Variants in CDYL observed in about 807,000 individuals in gnomAD.
The protein encoded by CDYL is chromodomain Y like.
Under a neutral mutation model 47.3 loss-of-function variants are expected in CDYL, and 8 were observed. The ratio of observed to expected loss-of-function variants is 0.17; its 90% confidence interval spans 0.10 to 0.31. The LOEUF (loss-of-function observed/expected upper bound fraction) is 0.31, where lower values mean the gene tolerates loss of function less well. Ranked by LOEUF, CDYL falls within the 10% of genes least tolerant of loss-of-function variation. CDYL has a pLI of 1.00. For synonymous variants in CDYL, 266 were observed against 265.0 expected (o/e 1.00, Z -0.04); for missense variants, 471 against 701.4 (o/e 0.67, Z 3.71).
intron 1 of CDYL, among the ~76,000 whole-genome samples, chr6:4,808,230 C>G (rs1759428922): frequency 6.6e-6 from 1 of 152,196 alleles, no homozygotes; most frequent in Admixed American, 6.5e-5. Flanking sequence ...TCTAGGAGGA[C>G]AAAGCTTGGA....
intron 4 of CDYL, 75 bp downstream of exon 4, chr6:4,937,812 C>A: frequency 1.7e-6 from 2 of 1,145,800 alleles, no homozygotes; most frequent in Non-Finnish European, 2.5e-6. Flanking sequence ...TAGAATGGGC[C>A]TGACCAAGCC....
chr6:4,842,654 A>T (rs1025701695), intron 1 of CDYL, among the ~76,000 whole-genome samples: 3 of 152,054 alleles, frequency 2.0e-5, no homozygotes, highest in Non-Finnish European at 4.4e-5. Flanking sequence ...AGTTTATGTG[A>T]GTACTTATGT....
chr6:4,886,421 G>A (rs548326989), intron 1 of CDYL, among the ~76,000 whole-genome samples: 11 of 152,200 alleles, frequency 7.2e-5, no homozygotes, highest in East Asian at 1.9e-4. Context: ...CCATCCTACC[G>A]GCTGTGAAGT....
chr6:4,798,720 T>C (rs533825773), intron 1 of CDYL, among the ~76,000 whole-genome samples: 2 of 152,348 alleles, frequency 1.3e-5, no homozygotes, highest in African/African-American at 4.8e-5. Flanking sequence ...TTTCTCAAAT[T>C]GAATGTATTG....
At chr6:4,765,614 A>G (rs968305965) in intron 3 of CDYL, among the ~76,000 whole-genome samples, 1 of 150,968 alleles carries the variant, frequency 6.6e-6, no homozygotes, top group Non-Finnish European at 1.5e-5. Context: ...CGCAGGCTGG[A>G]GTGCAGTGGC....
At chr6:4,773,104 A>T (rs892749759), upstream of CDYL, 30 of 457,224 alleles carry the variant, frequency 6.6e-5, no homozygotes, top group Non-Finnish European at 1.3e-4. The surrounding 1 kb of genome is among the most constrained non-coding windows in gnomAD (Gnocchi z 4.6). Context: ...AGAACTTGCC[A>T]TCGATGATCA....
chr6:4,723,202 G>C (rs4960036), intron 2 of CDYL, among the ~76,000 whole-genome samples: 1 of 152,192 alleles, frequency 6.6e-6, no homozygotes, highest in Non-Finnish European at 1.5e-5. Context: ...GCATTTACAT[G>C]GCAGTAGATA....
intron 2 of CDYL, among the ~76,000 whole-genome samples, chr6:4,914,591 C>T (rs747168962): frequency 6.6e-6 from 1 of 152,216 alleles, no homozygotes; most frequent in Non-Finnish European, 1.5e-5. Flanking sequence ...AGCCATCCTG[C>T]AAGTTCAAGA....
intron 2 of CDYL, among the ~76,000 whole-genome samples, chr6:4,900,597 A>T (rs1344364890): frequency 2.0e-5 from 3 of 151,786 alleles, no homozygotes; most frequent in African/African-American, 7.3e-5. Flanking sequence ...ATTGCTCTCT[A>T]AAAAAGCTGA....
intron 1 of CDYL, among the ~76,000 whole-genome samples, chr6:4,806,489 G>T (rs1030130271): frequency 4.6e-5 from 7 of 152,178 alleles, no homozygotes; most frequent in African/African-American, 1.7e-4. Context: ...AAATGATACA[G>T]CATTCTCAAA....
chr6:4,865,949 C>T (rs1285669561), intron 1 of CDYL, among the ~76,000 whole-genome samples: 1 of 152,082 alleles, frequency 6.6e-6, no homozygotes, highest in Admixed American at 6.6e-5. Context: ...AGAACCTTAC[C>T]TTTAATAAGG....
intron 3 of CDYL, among the ~76,000 whole-genome samples, chr6:4,758,004 AT>A (rs1235559830): frequency 6.6e-6 from 1 of 152,070 alleles, no homozygotes; most frequent in Admixed American, 6.6e-5. Context: ...TGTTAATTTC[AT>A]TTTTTTCTAC....
At chr6:4,945,331 A>G (rs1758479259) in intron 5 of CDYL, among the ~76,000 whole-genome samples, 1 of 152,100 alleles carries the variant, frequency 6.6e-6, no homozygotes, top group Non-Finnish European at 1.5e-5. Flanking sequence ...TGAAAACCAG[A>G]ACGTTTAAAA....
chr6:4,935,691 A>G lies in CDYL; in HGVS notation c.868A>G (p.Ile290Val), dbSNP rs368087602. ...AGAAAGTGCCTACAGATACAGAGAT[A>G]TTGTGGTCAGGAAGCAGGATGGCTT... ...QTESAYRYRD[I>V]VVRKQDGFTH... The change falls in exon 3 of 7, where the codon ATT becomes GTT. Residue 290 changes from isoleucine (I) to valine (V), a missense_variant. Coordinates refer to ENST00000397588, the MANE Select transcript of CDYL (RefSeq NM_004824.4). 4.3e-6 allele frequency: 7 copies of G among 1,614,138 alleles called. No homozygotes were observed. Among genetic ancestry groups the G allele is most frequent in the Non-Finnish European group, 5.1e-6 (6 of 1,180,054 alleles).
intron 1 of CDYL, among the ~76,000 whole-genome samples, chr6:4,710,010 C>T (rs1029540499): frequency 4.6e-5 from 7 of 152,030 alleles, no homozygotes; most frequent in Non-Finnish European, 8.8e-5. Context: ...TGTCTGTGTT[C>T]AGGAGTTCAA....
chr6:4,781,830 A>G (rs1332550694), intron 1 of CDYL, among the ~76,000 whole-genome samples: 2 of 152,184 alleles, frequency 1.3e-5, no homozygotes, highest in Non-Finnish European at 2.9e-5. Flanking sequence ...TTCTTTTGTA[A>G]ATAAGGAGTG....
intron 2 of CDYL, among the ~76,000 whole-genome samples, chr6:4,893,330 T>G (rs1762103961): frequency 6.6e-6 from 1 of 152,206 alleles, no homozygotes; most frequent in African/African-American, 2.4e-5. Flanking sequence ...GGTCCCTTCC[T>G]CTCCATCTGC....
chr6:4,807,629 G>C (rs1474353095), intron 1 of CDYL, among the ~76,000 whole-genome samples: 5 of 102,298 alleles, frequency 4.9e-5, no homozygotes, highest in Non-Finnish European at 8.7e-5. Context: ...TTGGAGATAG[G>C]CTCTTGCACT....
rs370187182 is a variant in CDYL, at chr6:4,900,037, C to T, written c.691+7658C>T. 2.5e-4 allele frequency among the ~76,000 whole-genome samples: 38 copies of T among 152,294 alleles called. No individual in the cohort carries two copies. In the East Asian group the frequency reaches 5.0e-3, roughly 20 times the overall value. ...TGTTGTAAACAGAATGTGTAAATGTCATACATTTTTGCACAAGTAATTTAG... is the reference window on the plus strand; with the variant it reads ...TGTTGTAAACAGAATGTGTAAATGTTATACATTTTTGCACAAGTAATTTAG... On this transcript the variant is annotated intron_variant, in intron 2 of 6. Coordinates refer to ENST00000397588, the MANE Select transcript of CDYL (RefSeq NM_004824.4).
Sources: gnomAD v4.1 joint callset for allele counts (sites outside exome capture counted in the v4.1 genomes callset) on GRCh38, gnomAD v4.1.1 for gene constraint, Gnocchi (gnomAD v3.1) non-coding constraint, MANE v1.5 for transcripts, NCBI Gene and HGNC (gene_info 2026-07-23, HGNC 2026-07-21) for gene names.